The following EXOC4 variants were observed in gnomAD, a reference collection of about 807,000 sequenced individuals.
The protein encoded by EXOC4 is SEC8-like 1.
A neutral mutation model predicts 107.2 loss-of-function variants in EXOC4; 71 were observed. The observed-to-expected ratio is 0.66, with a 90% CI of 0.55 to 0.81. EXOC4 has a LOEUF of 0.81. Ranked by LOEUF, EXOC4 falls within the 30% of genes least tolerant of loss-of-function variation. The probability of loss-of-function intolerance (pLI) is 0.00; values close to 1 mark genes in which losing one functional copy is unlikely to be tolerated. For synonymous variants in EXOC4, 456 were observed against 441.2 expected (o/e 1.03, Z -0.42); for missense variants, 1,108 against 1,189.6 (o/e 0.93, Z 1.01).
At chr7:134,070,523 A>C (rs1348535862), downstream of EXOC4, among the ~76,000 whole-genome samples, 1 of 152,208 alleles carries the variant, frequency 6.6e-6, no homozygotes, top group Non-Finnish European at 1.5e-5. Context: ...AATTTCTTTA[A>C]AAGTGAACTA....
At chr7:133,489,875 C>T (rs561722851) in intron 9 of EXOC4, among the ~76,000 whole-genome samples, 4 of 152,274 alleles carry the variant, frequency 2.6e-5, no homozygotes, top group South Asian at 2.1e-4. Context: ...CCTGATATTT[C>T]GCTAGTCACA....
rs550606646 is a variant in EXOC4, at chr7:133,352,720, G to T, written c.764-3610G>T. Among the ~76,000 whole-genome samples, 9 of 151,784 alleles carry T rather than the reference G, an allele frequency of 5.9e-5. 1 individual carries two copies. The highest frequency in any genetic ancestry group is 2.2e-4 in the African/African-American group (9 of 41,432). On this transcript the variant is annotated intron_variant, in intron 5 of 17. Coordinates refer to ENST00000253861, the MANE Select transcript of EXOC4 (RefSeq NM_021807.4). ...ATGCATTATTTTTTTTACCCCTCATGTTCTACATTACTGTATTATTTTGTG... is the reference window on the plus strand; with the variant it reads ...ATGCATTATTTTTTTTACCCCTCATTTTCTACATTACTGTATTATTTTGTG...
intron 9 of EXOC4, among the ~76,000 whole-genome samples, chr7:133,599,248 T>A (rs1801751426): frequency 6.6e-6 from 1 of 152,184 alleles, no homozygotes; most frequent in Admixed American, 6.5e-5. Flanking sequence ...TTATAAAGCC[T>A]CATCTCTTAA....
chr7:133,576,605 G>C, intron 9 of EXOC4: 1 of 1,289,722 alleles, frequency 7.8e-7, no homozygotes, highest in Non-Finnish European at 1.0e-6. Context: ...TTCTCAAGGG[G>C]GTAGAGATAA....
intron 9 of EXOC4, among the ~76,000 whole-genome samples, chr7:133,491,749 A>G (rs997923534): frequency 5.3e-5 from 8 of 152,210 alleles, no homozygotes; most frequent in Admixed American, 2.0e-4. Context: ...TTTGGGGAGT[A>G]CAGAAGAGAA....
chr7:133,946,461 G>A (rs1398694079), intron 14 of EXOC4, among the ~76,000 whole-genome samples: 5 of 152,038 alleles, frequency 3.3e-5, no homozygotes, highest in Non-Finnish European at 7.4e-5. Flanking sequence ...TTTCCATGTT[G>A]TGCTCAATGT....
intron 10 of EXOC4, among the ~76,000 whole-genome samples, chr7:133,649,502 T>A (rs1274809892): frequency 6.6e-6 from 1 of 150,712 alleles, no homozygotes; most frequent in Admixed American, 6.6e-5. Flanking sequence ...TAAAGATTAT[T>A]TATAACTTTG....
intron 10 of EXOC4, among the ~76,000 whole-genome samples, chr7:133,801,250 A>C (rs974991645): frequency 2.0e-5 from 3 of 152,122 alleles, no homozygotes; most frequent in Non-Finnish European, 2.9e-5. Context: ...TTTATTCAGC[A>C]TGCTATTGAG....
At chr7:133,787,395 A>G (rs1355097964) in intron 10 of EXOC4, among the ~76,000 whole-genome samples, 2 of 142,718 alleles carry the variant, frequency 1.4e-5, no homozygotes, top group Non-Finnish European at 3.1e-5. Context: ...GTGTGAGATG[A>G]GGTCTCCCTA....
intron 10 of EXOC4, among the ~76,000 whole-genome samples, chr7:133,664,432 C>A (rs922759475): frequency 2.0e-5 from 3 of 152,098 alleles, no homozygotes; most frequent in African/African-American, 7.2e-5. Context: ...GTATGTTGGT[C>A]TGCGAGTACG....
At chr7:133,365,324 G>T (rs1796228234) in intron 6 of EXOC4, among the ~76,000 whole-genome samples, 1 of 152,136 alleles carries the variant, frequency 6.6e-6, no homozygotes, top group African/African-American at 2.4e-5. Flanking sequence ...CCACTATGAT[G>T]AAATGTTATT....
At chr7:133,342,902 TTC>T (rs1282045381) in intron 5 of EXOC4, among the ~76,000 whole-genome samples, 2 of 152,210 alleles carry the variant, frequency 1.3e-5, no homozygotes, top group Admixed American at 6.5e-5. Context: ...TGGTATCTAT[TTC>T]TCTCAAGATT....
At chr7:133,338,699 AT>A (rs1434472718) in intron 5 of EXOC4, among the ~76,000 whole-genome samples, 10 of 144,628 alleles carry the variant, frequency 6.9e-5, no homozygotes, top group Admixed American at 3.5e-4. Flanking sequence ...GATTTCTGAG[AT>A]TTTGGTGCAC....
In EXOC4 at chr7:133,331,905, G is replaced by A. The variant is rs148041609; in HGVS notation, c.763+14515G>A. On this transcript the variant is annotated intron_variant, in intron 5 of 17. Transcript: ENST00000253861. ...CTTTCTCTTATTCTCCTCAGTCACAGTATTTTGTAATGCACAGAGAAACTA... is the reference window on the plus strand; with the variant it reads ...CTTTCTCTTATTCTCCTCAGTCACAATATTTTGTAATGCACAGAGAAACTA... 6.3e-3 allele frequency among the ~76,000 whole-genome samples: 963 copies of A among 152,298 alleles called. 10 individuals carry two copies. The highest frequency in any genetic ancestry group is 0.022 in the African/African-American group (916 of 41,570).
chr7:133,273,934 T>C (rs893623330), intron 1 of EXOC4, among the ~76,000 whole-genome samples: 5 of 152,136 alleles, frequency 3.3e-5, no homozygotes, highest in African/African-American at 1.2e-4. Flanking sequence ...CTGAGGGAAT[T>C]TAATGAAACT....
chr7:133,857,144 ACACG>A (rs1194211035), intron 11 of EXOC4, among the ~76,000 whole-genome samples: 2 of 48,074 alleles, frequency 4.2e-5, no homozygotes, highest in African/African-American at 2.1e-4. Context: ...ATATACACAT[ACACG>A]TATATATATA....
intron 11 of EXOC4, among the ~76,000 whole-genome samples, chr7:133,858,147 T>G (rs1368964862): frequency 6.6e-6 from 1 of 152,204 alleles, no homozygotes; most frequent in Non-Finnish European, 1.5e-5. Flanking sequence ...TACAGCCCTT[T>G]TCGCACCCAC....
Position 133,895,682 on chromosome 7 carries a change from C to T in EXOC4, c.1818C>T (p.Asn606=). Residue 606 remains asparagine (N), a synonymous_variant, in exon 12 of 18, where the codon AAC becomes AAT. Transcript: ENST00000253861. ...DLSAYSDQFL[N]MVCVKLQEYK... ...GTGCATATTCAGATCAATTCCTCAA[C>T]ATGGTGTGCGTGAAGCTCCAGGAGT... 2 of 1,614,146 alleles carry T rather than the reference C, an allele frequency of 1.2e-6. No homozygotes were observed. The highest frequency in any genetic ancestry group is 2.2e-5 in the South Asian group (2 of 91,082).
intron 10 of EXOC4, among the ~76,000 whole-genome samples, chr7:133,708,284 T>C: frequency 6.6e-6 from 1 of 152,150 alleles, no homozygotes; most frequent in East Asian, 1.9e-4. Context: ...TAATCTCTTG[T>C]TGAGTTTGTG....
Sources: gnomAD v4.1 joint callset for allele counts (sites outside exome capture counted in the v4.1 genomes callset) on GRCh38, gnomAD v4.1.1 for gene constraint, MANE v1.5 for transcripts, NCBI Gene and HGNC (gene_info 2026-07-23, HGNC 2026-07-21) for gene names.